Variants in ITGA9 observed in about 807,000 individuals in gnomAD.
ITGA9 encodes integrin alpha-9.
ITGA9 carries 56 observed loss-of-function variants against 127.8 expected under a neutral mutation model. The observed-to-expected ratio is 0.44, with a 90% CI of 0.35 to 0.55. ITGA9 has a LOEUF of 0.55. ITGA9 is among the 20% of genes least tolerant of loss of function. The pLI is 0.00. For missense variants in ITGA9, 1,196 were observed against 1,347.1 expected (o/e 0.89, Z 1.76); for synonymous variants, 508 against 514.5 (o/e 0.99, Z 0.17).
At chr3:37,467,152 A>G (rs1698381945) in intron 1 of ITGA9, among the ~76,000 whole-genome samples, 1 of 152,176 alleles carries the variant, frequency 6.6e-6, no homozygotes, top group Non-Finnish European at 1.5e-5. Context: ...TGTTCTGTAA[A>G]CACATAGATA....
intron 23 of ITGA9, among the ~76,000 whole-genome samples, chr3:37,763,218 T>G (rs925986978): frequency 2.0e-5 from 3 of 152,152 alleles, no homozygotes; most frequent in African/African-American, 7.2e-5. Flanking sequence ...GGAGAAAAAT[T>G]TAAAAAGCAA....
chr3:37,636,521 T>G (rs1384107145), intron 16 of ITGA9, among the ~76,000 whole-genome samples: 1 of 152,232 alleles, frequency 6.6e-6, no homozygotes, highest in Non-Finnish European at 1.5e-5. Context: ...CATTGTAGAT[T>G]CTGGATATTA....
Position 37,785,060 on chromosome 3 carries a change from G to C in ITGA9, c.2871G>C (p.Gly957=). 6.2e-7 allele frequency: 1 copy of C among 1,613,730 alleles called. No individual in the cohort carries two copies. The highest frequency in any genetic ancestry group is 8.5e-7 in the Non-Finnish European group (1 of 1,179,628). ...TAAGGGTGGTGGAAATAGCTCATGG[G>C]AACCCAGAAGAGGTGACGGTGAGTC... is the stretch of plus-strand genomic sequence containing the variant. ...PALRVVEIAH[G]NPEEVTVVFE... Residue 957 remains glycine (G), a synonymous_variant, in exon 26 of 28, where the codon GGG becomes GGC. Transcript: ENST00000264741.
intron 1 of ITGA9, among the ~76,000 whole-genome samples, chr3:37,467,023 C>T (rs1044879214): frequency 2.0e-5 from 3 of 152,184 alleles, no homozygotes; most frequent in Admixed American, 2.0e-4. Context: ...TGGGATCAGC[C>T]TGGTAAACAG....
intron 26 of ITGA9, 110 bp from the exon 27 acceptor site, chr3:37,803,713 G>A: frequency 8.1e-7 from 1 of 1,232,150 alleles, no homozygotes; most frequent in Non-Finnish European, 1.2e-6. Flanking sequence ...GGTAGAGGTT[G>A]CAGTGAGCCG....
chr3:37,488,466 C>T (rs75876559), intron 4 of ITGA9, among the ~76,000 whole-genome samples: 7 of 152,124 alleles, frequency 4.6e-5, no homozygotes, highest in African/African-American at 7.2e-5. Context: ...GTAAAGGGAA[C>T]GCTTTAAAGA....
intron 11 of ITGA9, among the ~76,000 whole-genome samples, chr3:37,520,568 C>T (rs10510694): frequency 2.0e-5 from 3 of 152,126 alleles, no homozygotes; most frequent in Non-Finnish European, 2.9e-5. Context: ...GGAAAACTTA[C>T]GAATATGGAA....
chr3:37,497,061 A>G (rs972144848), intron 5 of ITGA9, among the ~76,000 whole-genome samples: 1 of 152,106 alleles, frequency 6.6e-6, no homozygotes, highest in Non-Finnish European at 1.5e-5. Flanking sequence ...CTGATTATTA[A>G]TGTCATTTAA....
At chr3:37,611,534 T>C (rs1700016516) in intron 15 of ITGA9, among the ~76,000 whole-genome samples, 1 of 152,134 alleles carries the variant, frequency 6.6e-6, no homozygotes, top group African/African-American at 2.4e-5. Flanking sequence ...ATTGGAATTT[T>C]GATGACCTTT....
chr3:37,620,634 G>A (rs897341830), intron 15 of ITGA9, among the ~76,000 whole-genome samples: 104 of 152,290 alleles, frequency 6.8e-4, no homozygotes, highest in South Asian at 2.1e-4. Context: ...TGAACTGGCT[G>A]ACATCAAAGT....
chr3:37,780,087 T>G lies in ITGA9; in HGVS notation c.2787+66T>G, dbSNP rs1293825469. On this transcript the variant is annotated intron_variant, in intron 25 of 27. Transcript: ENST00000264741. ...CATTTGAATTGTTGACATCTGATTT[T>G]GGGTAAAAAAAAGGAAAAAGGAAAG... The G allele has an allele frequency of 3.1e-6, 5 of 1,598,816 alleles. No individual in the cohort carries two copies. The East Asian group carries it at 9.0e-5, about 29-fold the overall frequency.
At chr3:37,564,372 G>A (rs1219084659) in intron 15 of ITGA9, among the ~76,000 whole-genome samples, 3 of 152,140 alleles carry the variant, frequency 2.0e-5, no homozygotes, top group African/African-American at 7.2e-5. Flanking sequence ...GATATGGCAA[G>A]CCCTAGTTCT....
At chr3:37,572,294 G>A (rs1699609826) in intron 15 of ITGA9, among the ~76,000 whole-genome samples, 1 of 152,122 alleles carries the variant, frequency 6.6e-6, no homozygotes, top group South Asian at 2.1e-4. Flanking sequence ...TACTTTTTAA[G>A]TTCCCAACAA....
In ITGA9 at chr3:37,518,093, C is replaced by CGTGTGTGTGTGTGTGTGTGTGTGTGT. The variant is rs55842055; in HGVS notation, c.1141+487_1141+512dup. 4.9e-3 allele frequency among the ~76,000 whole-genome samples: 700 copies of CGTGTGTGTGTGTGTGTGTGTGTGTGT among 144,172 alleles called. 1 individual carries two copies. Among genetic ancestry groups the CGTGTGTGTGTGTGTGTGTGTGTGTGT allele is most frequent in the Middle Eastern group, 7.1e-3 (2 of 282 alleles). The allele number at this position is 144,172 out of a possible 152,430, so 94.6% of individuals were successfully genotyped here. ...CTAGATTGACTTTTGAGAGTGTACG[C>CGTGTGTGTGTGTGTGTGTGTGTGTGT]GTGTGTGTGTGTGTGTGTGTGTGTG... On this transcript the variant is annotated intron_variant, in intron 10 of 27. Coordinates refer to ENST00000264741, the MANE Select transcript of ITGA9 (RefSeq NM_002207.3).
At chr3:37,474,373 CAGAG>C (rs748265501) in intron 3 of ITGA9, among the ~76,000 whole-genome samples, 4 of 152,170 alleles carry the variant, frequency 2.6e-5, no homozygotes, top group East Asian at 1.9e-4. Flanking sequence ...TATTGGAAAG[CAGAG>C]AGAGAGAATA....
intron 25 of ITGA9, among the ~76,000 whole-genome samples, chr3:37,783,984 G>A (rs1697008724): frequency 6.6e-6 from 1 of 152,164 alleles, no homozygotes; most frequent in Non-Finnish European, 1.5e-5. Flanking sequence ...CTACCTTCCT[G>A]TTTCTTTGAG....
chr3:37,619,437 G>GA (rs1158394294), intron 15 of ITGA9, among the ~76,000 whole-genome samples: 1 of 152,126 alleles, frequency 6.6e-6, no homozygotes, highest in Admixed American at 6.5e-5. Flanking sequence ...AAGGGACAGA[G>GA]AAAAAAATGT....
intron 11 of ITGA9, among the ~76,000 whole-genome samples, chr3:37,522,513 G>T (rs1240452963): frequency 2.0e-5 from 3 of 152,030 alleles, no homozygotes; most frequent in African/African-American, 7.2e-5. Context: ...ATCGTTTGAG[G>T]CTTGGAGTTT....
intron 18 of ITGA9, among the ~76,000 whole-genome samples, chr3:37,686,048 A>G (rs368340710): frequency 6.6e-6 from 1 of 152,344 alleles, no homozygotes; most frequent in Non-Finnish European, 1.5e-5. Flanking sequence ...TAAAATTGTG[A>G]GAAATGTCTT....
Sources: gnomAD v4.1 joint callset for allele counts (sites outside exome capture counted in the v4.1 genomes callset) on GRCh38, gnomAD v4.1.1 for gene constraint, MANE v1.5 for transcripts, NCBI Gene and HGNC (gene_info 2026-07-23, HGNC 2026-07-21) for gene names.